The following SLC35F1 variants were observed in gnomAD, a reference collection of about 807,000 sequenced individuals.
SLC35F1 encodes solute carrier family 35 member F1, also known as chromosome 6 open reading frame 169.
Under a neutral mutation model 48.7 loss-of-function variants are expected in SLC35F1, and 14 were observed. The observed-to-expected ratio is 0.29, with a 90% CI of 0.19 to 0.45. The LOEUF (loss-of-function observed/expected upper bound fraction) is 0.45. SLC35F1 is among the 20% of genes least tolerant of loss of function. The pLI, the probability that SLC35F1 is intolerant of heterozygous loss-of-function variation, is 1.00. For synonymous variants in SLC35F1, 190 were observed against 202.2 expected (o/e 0.94, Z 0.51); for missense variants, 404 against 500.0 (o/e 0.81, Z 1.83).
intron 1 of SLC35F1, among the ~76,000 whole-genome samples, chr6:117,913,646 C>T (rs929505609): frequency 1.3e-5 from 2 of 152,130 alleles, no homozygotes; most frequent in Non-Finnish European, 2.9e-5. Flanking sequence ...AAAACAATAA[C>T]AATAAATATT....
At chr6:117,954,345 T>A (rs907613584) in intron 1 of SLC35F1, among the ~76,000 whole-genome samples, 1 of 152,126 alleles carries the variant, frequency 6.6e-6, no homozygotes, top group Non-Finnish European at 1.5e-5. Context: ...AACGTCCACC[T>A]CCTGGCTTCA....
At chr6:118,300,899 GT>G (rs920529583) in intron 7 of SLC35F1, among the ~76,000 whole-genome samples, 93 of 152,292 alleles carry the variant, frequency 6.1e-4, no homozygotes, top group African/African-American at 2.2e-3. Context: ...GTACATGTTG[GT>G]GATCAGTTTC....
Position 118,203,546 on chromosome 6 carries a change from G to T in SLC35F1, c.350-31963G>T, listed in dbSNP as rs1170806268. Among the ~76,000 whole-genome samples, 6 of 152,154 alleles carry T rather than the reference G, an allele frequency of 3.9e-5. 1 individual carries two copies. Among genetic ancestry groups the T allele is most frequent in the African/African-American group, 1.2e-4 (5 of 41,440 alleles). On this transcript the variant is annotated intron_variant, in intron 2 of 7. Transcript: ENST00000360388. ...TTAATCTAACTATCTCCCTCTGAGGGCTCTTTTTGCAGTGGAAAAGCATCT... is the reference window on the plus strand; with the variant it reads ...TTAATCTAACTATCTCCCTCTGAGGTCTCTTTTTGCAGTGGAAAAGCATCT...
intron 1 of SLC35F1, among the ~76,000 whole-genome samples, chr6:117,976,407 C>A (rs1310120562): frequency 6.6e-6 from 1 of 152,050 alleles, no homozygotes; most frequent in Non-Finnish European, 1.5e-5. Context: ...AAACAAATAA[C>A]ATAGTTGGAT....
chr6:118,088,980 T>G (rs1018412290), intron 1 of SLC35F1, among the ~76,000 whole-genome samples: 1 of 152,194 alleles, frequency 6.6e-6, no homozygotes, highest in African/African-American at 2.4e-5. Context: ...ATAGATCTAC[T>G]ACACATTGCA....
chr6:118,297,117 C>T (rs1320361729), intron 7 of SLC35F1, among the ~76,000 whole-genome samples: 1 of 152,184 alleles, frequency 6.6e-6, no homozygotes, highest in African/African-American at 2.4e-5. Flanking sequence ...GTGATTTACT[C>T]TCTTCCATGA....
chr6:118,038,303 AG>A (rs957000933), intron 1 of SLC35F1, among the ~76,000 whole-genome samples: 4 of 152,052 alleles, frequency 2.6e-5, no homozygotes, highest in African/African-American at 9.7e-5. Context: ...ATTCAGTCAT[AG>A]ATTTTTTTCT....
chr6:118,043,056 C>T (rs754069238), intron 1 of SLC35F1, among the ~76,000 whole-genome samples: 46 of 152,044 alleles, frequency 3.0e-4, no homozygotes, highest in African/African-American at 2.9e-4. Context: ...GTGTACTGTG[C>T]GGTTAGGATT....
At chr6:118,017,450 A>G (rs754111198) in intron 1 of SLC35F1, among the ~76,000 whole-genome samples, 5 of 152,246 alleles carry the variant, frequency 3.3e-5, no homozygotes, top group Non-Finnish European at 7.3e-5. Context: ...GAAATCCCCT[A>G]GAATTTACAG....
At position 118,006,565 on chromosome 6, in the gene SLC35F1, A is replaced by T. The variant is rs537662338; in HGVS notation, c.173+98666A>T. Among the ~76,000 whole-genome samples, 4 of 152,162 alleles carry T rather than the reference A, an allele frequency of 2.6e-5. No individual in the cohort carries two copies. In the South Asian group the frequency reaches 8.3e-4, roughly 32 times the overall value. ...GCCTAGGGGTTGGAAGCTATAGTAA[A>T]CTGTGACCACGCTACTGCACTCCAG... On this transcript the variant is annotated intron_variant, in intron 1 of 7. Coordinates refer to ENST00000360388, the MANE Select transcript of SLC35F1 (RefSeq NM_001029858.4).
intron 1 of SLC35F1, among the ~76,000 whole-genome samples, chr6:118,013,474 C>A (rs1777278308): frequency 6.6e-6 from 1 of 152,112 alleles, no homozygotes; most frequent in Admixed American, 6.5e-5. Flanking sequence ...TTTAGCCAAA[C>A]CAATAAGGGC....
chr6:117,919,539 A>G (rs894332723), intron 1 of SLC35F1, among the ~76,000 whole-genome samples: 6 of 152,048 alleles, frequency 3.9e-5, no homozygotes, highest in African/African-American at 1.4e-4. Context: ...CTCGGCTCGC[A>G]GTGACTTTGA....
chr6:118,055,482 G>A (rs1418015412), intron 1 of SLC35F1, among the ~76,000 whole-genome samples: 1 of 152,010 alleles, frequency 6.6e-6, no homozygotes, highest in African/African-American at 2.4e-5. Context: ...TTTAGGAAGG[G>A]GCTTATTTTT....
intron 1 of SLC35F1, among the ~76,000 whole-genome samples, chr6:117,913,386 G>A (rs1005680438): frequency 6.6e-6 from 1 of 152,158 alleles, no homozygotes; most frequent in Admixed American, 6.5e-5. Flanking sequence ...TTATTCTTGG[G>A]CCAAAACCTC....
chr6:118,056,328 T>C (rs1772462756), intron 1 of SLC35F1, among the ~76,000 whole-genome samples: 1 of 152,210 alleles, frequency 6.6e-6, no homozygotes, highest in African/African-American at 2.4e-5. Context: ...CATTAAAAAT[T>C]AATGTTTTTT....
intron 1 of SLC35F1, among the ~76,000 whole-genome samples, chr6:117,997,384 G>A (rs1777010480): frequency 6.9e-6 from 1 of 145,608 alleles, no homozygotes; most frequent in African/African-American, 2.4e-5. Context: ...CCCCCATCTA[G>A]CAAGGCAGGC....
At chr6:118,286,591 C>T (rs1776051480) in intron 7 of SLC35F1, among the ~76,000 whole-genome samples, 1 of 152,090 alleles carries the variant, frequency 6.6e-6, no homozygotes, top group Non-Finnish European at 1.5e-5. Context: ...GTGGCTGTGA[C>T]AGCAGACAGG....
intron 1 of SLC35F1, among the ~76,000 whole-genome samples, chr6:118,033,450 G>A (rs76094727): frequency 0.017 from 2,621 of 152,088 alleles, 78 homozygotes; most frequent in African/African-American, 0.059. Context: ...AACCTCTGAG[G>A]CATTATCTTT....
In SLC35F1 at chr6:117,966,220, C is replaced by G. The variant is rs915677882; in HGVS notation, c.173+58321C>G. ...GCTGTGGAAGCTTTGTTCTTTCGCA[C>G]TTCGCAATAAATCTTGCTGCTGCTC... On this transcript the variant is annotated intron_variant, in intron 1 of 7. Transcript: ENST00000360388. Among the ~76,000 whole-genome samples, 4 of 149,612 alleles carry G rather than the reference C, an allele frequency of 2.7e-5. No homozygotes were observed. In the South Asian group the frequency reaches 6.3e-4, roughly 24 times the overall value.
Sources: gnomAD v4.1 joint callset for allele counts (sites outside exome capture counted in the v4.1 genomes callset) on GRCh38, gnomAD v4.1.1 for gene constraint, MANE v1.5 for transcripts, NCBI Gene and HGNC (gene_info 2026-07-23, HGNC 2026-07-21) for gene names.